The following CDH26 variants were observed in gnomAD, a reference collection of about 807,000 sequenced individuals.
CDH26 encodes the protein cadherin 26, also known as cadherin-like protein 26.
Under a neutral mutation model 90.3 loss-of-function variants are expected in CDH26, and 83 were observed. That is an observed-to-expected ratio of 0.92 (90% CI 0.77 to 1.10). The LOEUF is 1.10. CDH26 is among the 50% of genes least tolerant of loss of function. CDH26 has a pLI of 0.00. For missense variants in CDH26, 1,013 were observed against 1,037.6 expected (o/e 0.98, Z 0.33); for synonymous variants, 397 against 396.3 (o/e 1.00, Z -0.02).
rs974038999 is a variant in CDH26, at chr20:60,009,191, G to A, written c.2295+2404G>A. 7.2e-5 allele frequency among the ~76,000 whole-genome samples: 11 copies of A among 152,166 alleles called. No homozygotes were observed. In the East Asian group the frequency reaches 1.9e-3, roughly 27 times the overall value. On this transcript the variant is annotated intron_variant, in intron 17 of 17. Coordinates refer to ENST00000348616, the MANE Select transcript of CDH26 (RefSeq NM_177980.4). ...CAAGTTGCTCCAATGGTAAAGGCAC[G>A]AGGGACAGAGCCAGAAATGGGGCAC... is the stretch of plus-strand genomic sequence containing the variant.
chr20:60,035,073 A>G (rs2062073183), downstream of CDH26, among the ~76,000 whole-genome samples: 1 of 152,216 alleles, frequency 6.6e-6, no homozygotes, highest in Non-Finnish European at 1.5e-5. Context: ...ACTTTAATTT[A>G]TTCACCTAAC....
At chr20:59,999,721 C>T in intron 14 of CDH26, 58 bp downstream of exon 14, 2 of 1,534,470 alleles carry the variant, frequency 1.3e-6, no homozygotes, top group East Asian at 4.5e-5. Context: ...TGGTGGTTTC[C>T]CTGACAAGGA....
intron 7 of CDH26, among the ~76,000 whole-genome samples, chr20:60,023,034 T>A (rs1251310132): frequency 6.6e-6 from 1 of 152,234 alleles, no homozygotes; most frequent in Non-Finnish European, 1.5e-5. Context: ...GGAGGCAACT[T>A]CCAGGAAGTG....
intron 17 of CDH26, among the ~76,000 whole-genome samples, chr20:60,007,690 G>A (rs1431524561): frequency 6.6e-6 from 1 of 151,920 alleles, no homozygotes; most frequent in Non-Finnish European, 1.5e-5. Context: ...AGCAATGAGG[G>A]CATCCAGGGT....
At chr20:59,970,748 T>C (rs1467774408) in intron 3 of CDH26, among the ~76,000 whole-genome samples, 1 of 151,526 alleles carries the variant, frequency 6.6e-6, no homozygotes, top group East Asian at 1.9e-4. Flanking sequence ...AGGCGGAGCT[T>C]GCAGTGAGCC....
intron 4 of CDH26, 136 bp downstream of exon 4, chr20:59,972,259 C>T (rs1005122420): frequency 9.2e-6 from 7 of 759,000 alleles, no homozygotes; most frequent in African/African-American, 5.3e-5. Context: ...ACAAGCTTTA[C>T]GAGTATGCCT....
At chr20:60,033,003 A>T (rs532218547) in intron 8 of CDH26, among the ~76,000 whole-genome samples, 2 of 151,018 alleles carry the variant, frequency 1.3e-5, no homozygotes, top group East Asian at 3.9e-4. Context: ...TATAATAATA[A>T]AAAAAAAAGA....
At chr20:59,970,952 C>T (rs1035437434) in intron 3 of CDH26, among the ~76,000 whole-genome samples, 6 of 152,012 alleles carry the variant, frequency 3.9e-5, no homozygotes, top group African/African-American at 7.3e-5. Flanking sequence ...AACAATTAGG[C>T]GGGGCTTGAG....
intron 7 of CDH26, among the ~76,000 whole-genome samples, chr20:60,029,164 C>G (rs1476605255): frequency 1.3e-5 from 2 of 152,150 alleles, no homozygotes; most frequent in African/African-American, 4.8e-5. Flanking sequence ...ATGGTAGTTT[C>G]CAGGAGATGG....
chr20:59,965,255 G>A (rs1268888334), intron 1 of CDH26, among the ~76,000 whole-genome samples: 1 of 152,160 alleles, frequency 6.6e-6, no homozygotes. Context: ...GTATTGTAAT[G>A]TGAATAAGGA....
intron 4 of CDH26, among the ~76,000 whole-genome samples, chr20:59,974,382 G>A (rs1215887086): frequency 6.6e-6 from 1 of 152,178 alleles, no homozygotes. Flanking sequence ...CATTTTAAAT[G>A]ATGTATTAAG....
chr20:59,966,231 T>TAAAAAAAAAAAAAAAAAAA (rs60088029), intron 1 of CDH26, among the ~76,000 whole-genome samples: 8 of 76,264 alleles, frequency 1.0e-4, no homozygotes, highest in African/African-American at 4.4e-4. Context: ...GGTGTTGCAT[T>TAAAAAAAAAAAAAAAAAAA]AAAAAAAAAA....
Position 59,996,762 on chromosome 20 carries a change from G to A in CDH26, c.2019+1G>A, listed in dbSNP as rs2061603374. The A allele has an allele frequency of 7.4e-6, 12 of 1,614,208 alleles. No homozygotes were observed. The highest frequency in any genetic ancestry group is 1.0e-5 in the Non-Finnish European group (12 of 1,180,038). On this transcript the variant is annotated splice_donor_variant, in intron 13 of 17. Transcript: ENST00000348616. LOFTEE classifies it high-confidence loss of function. ...GGAGAGCAAAGGCACTTCAGCCCAG[G>A]TAGTGGAATGTCATGCTTTGTGTCT...
chr20:59,996,720 CT>C lies in CDH26; in HGVS notation c.1979del (p.Leu660ArgfsTer74). 6.2e-7 allele frequency: 1 copy of C among 1,614,230 alleles called. No individual in the cohort carries two copies. Among genetic ancestry groups the C allele is most frequent in the Non-Finnish European group, 8.5e-7 (1 of 1,180,036 alleles). ...SVSNDEGHQT[L>X]VMYNAESKGT... ...ATCCAATGATGAAGGCCACCAAACA[CT>C]GGTCATGTATAATGCGGAGAGCAAA... On this transcript the variant is annotated frameshift_variant, in exon 13 of 18. Coordinates refer to ENST00000348616, the MANE Select transcript of CDH26 (RefSeq NM_177980.4). LOFTEE classifies it high-confidence loss of function.
chr20:59,967,857 CTTTCTTTCTT>C (rs2061177023), intron 1 of CDH26, among the ~76,000 whole-genome samples: 5 of 104,586 alleles, frequency 4.8e-5, no homozygotes, highest in African/African-American at 2.6e-4. Flanking sequence ...TTCTTTCTTT[CTTTCTTTCTT>C]TCTTTCTTTC....
At chr20:59,967,876 T>TCTTTCTTCCTTCCTTC in intron 1 of CDH26, among the ~76,000 whole-genome samples, 1 of 54,642 alleles carries the variant, frequency 1.8e-5, no homozygotes, top group Non-Finnish European at 3.4e-5. Flanking sequence ...TTTCTTTCTT[T>TCTTTCTTCCTTCCTTC]CTTCCTTCCT....
intron 9 of CDH26, among the ~76,000 whole-genome samples, chr20:59,991,058 C>T (rs899039255): frequency 5.9e-5 from 9 of 151,924 alleles, no homozygotes; most frequent in Admixed American, 2.0e-4. Context: ...TTAGTAGAGA[C>T]GGGGTTTTGC....
downstream of CDH26, among the ~76,000 whole-genome samples, chr20:60,017,228 A>T (rs1484742139): frequency 6.6e-6 from 1 of 151,988 alleles, no homozygotes; most frequent in Non-Finnish European, 1.5e-5. Context: ...CAGTAGTGAA[A>T]CCATCCGGCC....
intron 1 of CDH26, among the ~76,000 whole-genome samples, chr20:59,963,174 T>C (rs1432067671): frequency 6.6e-6 from 1 of 151,910 alleles, no homozygotes; most frequent in Non-Finnish European, 1.5e-5. Context: ...TGCATGTGTG[T>C]GCACAGATGA....
Sources: gnomAD v4.1 joint callset for allele counts (sites outside exome capture counted in the v4.1 genomes callset) on GRCh38, gnomAD v4.1.1 for gene constraint, MANE v1.5 for transcripts, NCBI Gene and HGNC (gene_info 2026-07-23, HGNC 2026-07-21) for gene names.